Variants in C1orf21 observed in about 807,000 individuals in gnomAD.
C1orf21 encodes chromosome 1 open reading frame 21.
C1orf21 carries 3 observed loss-of-function variants against 18.7 expected under a neutral mutation model. That is an observed-to-expected ratio of 0.16 (90% CI 0.07 to 0.42). The LOEUF (loss-of-function observed/expected upper bound fraction) is 0.42. Among genes scored for constraint, C1orf21 ranks in the 10% least tolerant of loss-of-function variants. The pLI, the probability that C1orf21 is intolerant of heterozygous loss-of-function variation, is 0.99. For missense variants in C1orf21, 104 were observed against 143.6 expected (o/e 0.72, Z 1.41); for synonymous variants, 41 against 46.4 (o/e 0.88, Z 0.47).
chr1:184,580,783 TTAGTGCCTTGAAC>T (rs1164152681), intron 3 of C1orf21, among the ~76,000 whole-genome samples: 1 of 152,266 alleles, frequency 6.6e-6, no homozygotes, highest in Non-Finnish European at 1.5e-5. Context: ...TATCTTATCC[TTAGTGCCTTGAAC>T]TAGATTCTGT....
Position 184,611,799 on chromosome 1 carries a change from G to T in C1orf21, c.328-7719G>T, listed in dbSNP as rs115101528. 5.1e-3 allele frequency among the ~76,000 whole-genome samples: 784 copies of T among 152,260 alleles called. 2 individuals carry two copies. Among genetic ancestry groups the T allele is most frequent in the Non-Finnish European group, 8.0e-3 (544 of 68,022 alleles). ...TACAGGATAAAGGCTGTCAAGGAAG[G>T]ATAACAATAAGTCAAGAAACTGAGA... On this transcript the variant is annotated intron_variant, in intron 5 of 5. Transcript: ENST00000235307.
chr1:184,449,181 T>A (rs542511418), intron 1 of C1orf21, among the ~76,000 whole-genome samples: 60 of 152,132 alleles, frequency 3.9e-4, no homozygotes, highest in African/African-American at 1.4e-3. Flanking sequence ...GTGTATCTCC[T>A]AATGCTATCC....
rs141633164 is a variant in C1orf21, at chr1:184,620,585, C to G, written c.*1029C>G. 2.6e-5 allele frequency: 4 copies of G among 152,622 alleles called. No individual in the cohort carries two copies. The highest frequency in any genetic ancestry group is 2.6e-4 in the Admixed American group (4 of 15,286). The allele number at this position is 152,622 out of a possible 1,614,324, so 9.5% of individuals were successfully genotyped here. A position where few individuals can be genotyped will look rare whatever the true frequency, so the allele number is the denominator to read the frequency against. ...AACCATCCTATTTTGTAACTCTCCC[C>G]CTTCAAAATGCTACATGAGCCTTGC... On this transcript the variant is annotated 3_prime_UTR_variant, in exon 6 of 6. Transcript: ENST00000235307.
In C1orf21 at chr1:184,511,605, G is replaced by A. The variant is rs552075061; in HGVS notation, c.189+3923G>A. The stretch of plus-strand genomic sequence containing the variant: ...TGAATAGGCATAGTTGGGCCTATAG[G>A]TATACATTTAGATCAAGTTGATGGC... On this transcript the variant is annotated intron_variant, in intron 3 of 5. Coordinates refer to ENST00000235307, the MANE Select transcript of C1orf21 (RefSeq NM_030806.4). Among the ~76,000 whole-genome samples, 20 of 152,284 alleles carry A rather than the reference G, an allele frequency of 1.3e-4. No homozygotes were observed. In the South Asian group the frequency reaches 1.5e-3, roughly 11 times the overall value.
chr1:184,518,954 C>T (rs1399586277), intron 3 of C1orf21, among the ~76,000 whole-genome samples: 1 of 151,960 alleles, frequency 6.6e-6, no homozygotes, highest in South Asian at 2.1e-4. Flanking sequence ...GGCATGGAGA[C>T]GTGGCATGAA....
At chr1:184,545,076 C>T (rs1412421773) in intron 3 of C1orf21, among the ~76,000 whole-genome samples, 1 of 152,164 alleles carries the variant, frequency 6.6e-6, no homozygotes, top group Non-Finnish European at 1.5e-5. Flanking sequence ...ATCACATAGA[C>T]CAACCCTGGT....
rs1660009383 is a variant in C1orf21, at chr1:184,626,324, C to T, written c.*6768C>T. 1 of 152,212 alleles carries T rather than the reference C, an allele frequency of 6.6e-6. No individual in the cohort carries two copies. Among genetic ancestry groups the T allele is most frequent in the Non-Finnish European group, 1.5e-5 (1 of 68,128 alleles). 9.4% of individuals were successfully genotyped at this position (152,212 alleles called of 1,614,324 possible). ...CTTCCTGAAAGAGGTGACATCAAAG[C>T]CCGGATGTGTCAGAGGACTGAGGGA... On this transcript the variant is annotated 3_prime_UTR_variant, in exon 6 of 6. Transcript: ENST00000235307.
intron 1 of C1orf21, among the ~76,000 whole-genome samples, chr1:184,433,057 T>G (rs1656792148): frequency 6.6e-6 from 1 of 152,138 alleles, no homozygotes; most frequent in South Asian, 2.1e-4. Context: ...CACAAATAGC[T>G]CTCTTTGCTG....
At chr1:184,540,301 A>G (rs1399384565) in intron 3 of C1orf21, among the ~76,000 whole-genome samples, 1 of 152,222 alleles carries the variant, frequency 6.6e-6, no homozygotes, top group East Asian at 1.9e-4. Flanking sequence ...AAGTAAATGT[A>G]TATTCACAAA....
chr1:184,554,571 A>G (rs1184983582), intron 3 of C1orf21, among the ~76,000 whole-genome samples: 5 of 152,208 alleles, frequency 3.3e-5, no homozygotes, highest in Non-Finnish European at 5.9e-5. Flanking sequence ...AATAAAATTG[A>G]CGTAGTTTAG....
chr1:184,591,817 A>G (rs1041734629), intron 4 of C1orf21, among the ~76,000 whole-genome samples: 19 of 152,098 alleles, frequency 1.2e-4, no homozygotes, highest in Non-Finnish European at 2.6e-4. Flanking sequence ...AGGAAAAAAA[A>G]AAAAAAGAAA....
intron 2 of C1orf21, among the ~76,000 whole-genome samples, chr1:184,495,884 C>T (rs113476376): frequency 0.22 from 32,046 of 144,078 alleles, 3,552 homozygotes; most frequent in Middle Eastern, 0.26. Flanking sequence ...TGCCACTGCA[C>T]TCCAGCCTGG....
At position 184,578,014 on chromosome 1, in the gene C1orf21, C is replaced by T. The variant is rs1255613755; in HGVS notation, c.190-12725C>T. ...TGTCGCCCAGGCTGGAGTGCAGTGG[C>T]GCCGCCATCTCAGCTCACTGCAACC... On this transcript the variant is annotated intron_variant, in intron 3 of 5. Coordinates refer to ENST00000235307, the MANE Select transcript of C1orf21 (RefSeq NM_030806.4). Among the ~76,000 whole-genome samples the T allele has an allele frequency of 4.2e-5, 6 of 141,274 alleles. No homozygotes were observed. The East Asian group carries it at 6.3e-4, about 15-fold the overall frequency. 92.7% of individuals were successfully genotyped at this position (141,274 alleles called of 152,430 possible). A position where few individuals can be genotyped will look rare whatever the true frequency, so the allele number is the denominator to read the frequency against.
At position 184,387,063 on chromosome 1, in the gene C1orf21, TC is replaced by T. The variant is rs1655897400; in HGVS notation, c.-427del. On this transcript the variant is annotated 5_prime_UTR_variant, in exon 1 of 6. Transcript: ENST00000235307. The surrounding 1 kb of genome is among the most constrained non-coding windows in gnomAD (Gnocchi z 5.6). ...AAGCTCCCGCTCGCTCCCTGCCCAC[TC>T]CCGGGGGGACGTTCCGTGCCGCGGC... 1 of 150,662 alleles carries T rather than the reference TC, an allele frequency of 6.6e-6. No homozygotes were observed. The highest frequency in any genetic ancestry group is 1.5e-5 in the Non-Finnish European group (1 of 67,664). 9.3% of individuals were successfully genotyped at this position (150,662 alleles called of 1,614,324 possible).
chr1:184,433,558 C>T (rs1285750996), intron 1 of C1orf21, among the ~76,000 whole-genome samples: 1 of 152,116 alleles, frequency 6.6e-6, no homozygotes, highest in Non-Finnish European at 1.5e-5. Flanking sequence ...TCTTCCTAGA[C>T]CATTGCTGTC....
rs1262141935 is a variant in C1orf21 at position 184,626,395 on chromosome 1, C to G, written c.*6839C>G. ...CAGGCTGAGAGGATAGCACAGGACT[C>G]AGCCCAAAGGAGGGCCAGTGTGGAC... On this transcript the variant is annotated 3_prime_UTR_variant, in exon 6 of 6. Transcript: ENST00000235307. 6.6e-6 allele frequency: 1 copy of G among 152,250 alleles called. No individual in the cohort carries two copies. Among genetic ancestry groups the G allele is most frequent in the Non-Finnish European group, 1.5e-5 (1 of 68,132 alleles). The allele number at this position is 152,250 out of a possible 1,614,324, so 9.4% of individuals were successfully genotyped here. A position where few individuals can be genotyped will look rare whatever the true frequency, so the allele number is the denominator to read the frequency against.
chr1:184,410,665 T>TATATATATA lies in C1orf21; in HGVS notation c.-125+23297_-125+23298insATATATATA, dbSNP rs1557965191. On this transcript the variant is annotated intron_variant, in intron 1 of 5. Coordinates refer to ENST00000235307, the MANE Select transcript of C1orf21 (RefSeq NM_030806.4). ...TATATATATATATATATATATATATTTTTTTTTTTTTTTTTTGAGATGGAG... is the reference window on the plus strand; with the variant it reads ...TATATATATATATATATATATATATTATATATATATTTTTTTTTTTTTTTTGAGATGGAG... Among the ~76,000 whole-genome samples, 15 of 16,504 alleles carry TATATATATA rather than the reference T, an allele frequency of 9.1e-4. 6 individuals are homozygous for TATATATATA. In the African/African-American group the frequency reaches 0.021, roughly 23 times the overall value. 10.8% of individuals were successfully genotyped at this position (16,504 alleles called of 152,430 possible).
At chr1:184,423,905 CT>C (rs1194513743) in intron 1 of C1orf21, among the ~76,000 whole-genome samples, 3 of 152,094 alleles carry the variant, frequency 2.0e-5, no homozygotes, top group Non-Finnish European at 4.4e-5. Context: ...ATCCATCAAT[CT>C]ATCATTTAAG....
At chr1:184,435,949 ACC>A (rs879315732) in intron 1 of C1orf21, among the ~76,000 whole-genome samples, 52 of 152,344 alleles carry the variant, frequency 3.4e-4, no homozygotes, top group Non-Finnish European at 6.2e-4. Context: ...GAGGTGGAGT[ACC>A]ATGTGACAAA....
Sources: gnomAD v4.1 joint callset for allele counts (sites outside exome capture counted in the v4.1 genomes callset) on GRCh38, gnomAD v4.1.1 for gene constraint, Gnocchi (gnomAD v3.1) non-coding constraint, MANE v1.5 for transcripts, NCBI Gene and HGNC (gene_info 2026-07-23, HGNC 2026-07-21) for gene names.